The following DMD variants were observed in gnomAD, a reference collection of about 807,000 sequenced individuals.
DMD encodes dystrophin, also known as mutant dystrophin.
DMD carries 63 observed loss-of-function variants against 330.1 expected under a neutral mutation model. The observed-to-expected ratio is 0.19, with a 90% CI of 0.16 to 0.24. DMD has a LOEUF of 0.24. Among genes scored for constraint, DMD ranks in the 10% least tolerant of loss-of-function variants. The probability of loss-of-function intolerance (pLI) is 1.00; values close to 1 mark genes in which losing one functional copy is unlikely to be tolerated. For missense variants in DMD, 3,344 were observed against 2,684.1 expected (o/e 1.25, Z -5.43); for synonymous variants, 1,223 against 959.8 (o/e 1.27, Z -5.07).
At chrX:32,317,405 G>C (rs2097586364) in intron 41 of DMD, among the ~76,000 whole-genome samples, 1 of 111,374 alleles carries the variant, frequency 9.0e-6, no homozygotes, top group Non-Finnish European at 1.9e-5. Context: ...AAGATTCTGA[G>C]CTGTGTAAAT....
chrX:31,632,311 G>A (rs1456240303), intron 54 of DMD, among the ~76,000 whole-genome samples: 1 of 111,906 alleles, frequency 8.9e-6, no homozygotes, highest in Admixed American at 9.5e-5. Context: ...TAGATATATG[G>A]ATGAAAAATA....
intron 7 of DMD, among the ~76,000 whole-genome samples, chrX:32,765,923 A>G (rs2072928304): frequency 8.9e-6 from 1 of 111,915 alleles, no homozygotes; most frequent in Non-Finnish European, 1.9e-5. Flanking sequence ...TTTTAAATGT[A>G]TATATTCAGT....
Position 32,380,697 on chromosome X carries a change from T to C in DMD, c.4675-17A>G. 3 of 1,190,744 alleles carry C rather than the reference T, an allele frequency of 2.5e-6. No homozygotes were observed. In the East Asian group the frequency reaches 8.9e-5, roughly 35 times the overall value. ...TTCTGTTACCTGAAAAGAATTATAATGAAATGTAATTTAGTTTACTCTTTA... is the reference window on the plus strand; with the variant it reads ...TTCTGTTACCTGAAAAGAATTATAACGAAATGTAATTTAGTTTACTCTTTA... On this transcript the variant is annotated splice_polypyrimidine_tract_variant and intron_variant, in intron 33 of 78. Transcript: ENST00000357033.
At chrX:31,671,102 C>T (rs749126038) in intron 53 of DMD, among the ~76,000 whole-genome samples, 2 of 111,158 alleles carry the variant, frequency 1.8e-5, no homozygotes, top group East Asian at 2.8e-4. Flanking sequence ...TTAGCAGAGA[C>T]GGGGTTTTAC....
intron 2 of DMD, among the ~76,000 whole-genome samples, chrX:32,921,939 A>G (rs928755628): frequency 9.0e-6 from 1 of 111,395 alleles, no homozygotes; most frequent in Non-Finnish European, 1.9e-5. Flanking sequence ...CTATGTATGT[A>G]TGGTACATGT....
chrX:33,013,291 A>G (rs913604288), intron 2 of DMD, among the ~76,000 whole-genome samples: 23 of 111,550 alleles, frequency 2.1e-4, no homozygotes, highest in African/African-American at 7.1e-4. Flanking sequence ...TATAATTTTC[A>G]GTAGGATTAT....
intron 1 of DMD, among the ~76,000 whole-genome samples, chrX:33,120,538 T>C (rs2095416735): frequency 1.8e-5 from 2 of 111,244 alleles, no homozygotes; most frequent in Admixed American, 1.9e-4. Context: ...GCAACAACTT[T>C]TACATCTTCT....
chrX:31,909,163 C>T (rs1443643233), intron 47 of DMD, among the ~76,000 whole-genome samples: 2 of 112,126 alleles, frequency 1.8e-5, no homozygotes, highest in African/African-American at 6.5e-5. Context: ...GTCTACCTGT[C>T]TGTTTATCAG....
At chrX:32,356,136 A>T (rs1371861748) in intron 37 of DMD, among the ~76,000 whole-genome samples, 4 of 110,343 alleles carry the variant, frequency 3.6e-5, no homozygotes, top group African/African-American at 1.3e-4. Context: ...TCACATTTAT[A>T]AAATGCATCA....
At position 32,645,028 on chromosome X, in the gene DMD, A is replaced by G. The variant is rs759898408; in HGVS notation, c.1085T>C (p.Leu362Ser). The G allele has an allele frequency of 1.7e-6, 2 of 1,211,673 alleles. No homozygotes were observed. The highest frequency in any genetic ancestry group is 2.3e-4 in the Middle Eastern group (1 of 4,356). The change falls in exon 10 of 79, where the codon TTG becomes TCG. Residue 362 changes from leucine to serine, a missense_variant. Transcript: ENST00000357033. Reference protein sequence around the residue: ...LSWLLSAEDTLQAQGEISNDV... With the variant: ...LSWLLSAEDTSQAQGEISNDV... ...ATTAGAAATCTCTCCTTGTGCTTGC[A>G]ATGTGTCCTCAGCAGAAAGAAGCCA...
chrX:33,181,233 C>G (rs2049986586), intron 1 of DMD, among the ~76,000 whole-genome samples: 1 of 111,201 alleles, frequency 9.0e-6, no homozygotes, highest in African/African-American at 3.3e-5. Flanking sequence ...TTGTCTAGAT[C>G]TAAAATCATT....
At chrX:31,387,614 G>A (rs772171278) in intron 60 of DMD, among the ~76,000 whole-genome samples, 2 of 111,618 alleles carry the variant, frequency 1.8e-5, no homozygotes, top group South Asian at 3.8e-4. Flanking sequence ...TGGCCAGGCT[G>A]GTCTTGAACT....
intron 28 of DMD, among the ~76,000 whole-genome samples, chrX:32,440,250 T>C (rs915112392): frequency 8.9e-6 from 1 of 111,883 alleles, no homozygotes; most frequent in Admixed American, 9.5e-5. Flanking sequence ...ACGACAAATT[T>C]ATAGTCATAG....
chrX:32,806,260 C>CA (rs1411755851), intron 7 of DMD, among the ~76,000 whole-genome samples: 48 of 106,447 alleles, frequency 4.5e-4, no homozygotes, highest in African/African-American at 1.2e-3. Flanking sequence ...AAATGGAAAG[C>CA]AAAAAAAATA....
At chrX:32,644,851 T>A in intron 10 of DMD, 113 bp downstream of exon 10, 1 of 917,508 alleles carries the variant, frequency 1.1e-6, no homozygotes, top group Non-Finnish European at 1.6e-6. Flanking sequence ...AAGCACATCA[T>A]AGTAACTAAA....
chrX:32,826,816 G>A (rs2078727701), intron 4 of DMD, among the ~76,000 whole-genome samples: 1 of 110,481 alleles, frequency 9.1e-6, no homozygotes, highest in Admixed American at 9.7e-5. Flanking sequence ...ATTGTATTTT[G>A]AAAATTGCTA....
Position 31,372,595 on chromosome X carries a change from AC to A in DMD, c.9085-23962del, listed in dbSNP as rs768364862. Reference sequence around the variant, plus strand: ...TTGTGTGACCTTAAAAAATGTATTTACAAAAGGCCTTTGACAAAATTCAACA... The same window carrying A: ...TTGTGTGACCTTAAAAAATGTATTTAAAAAGGCCTTTGACAAAATTCAACA... On this transcript the variant is annotated intron_variant, in intron 60 of 78. Transcript: ENST00000357033. Among the ~76,000 whole-genome samples, 347 of 112,103 alleles carry A rather than the reference AC, an allele frequency of 3.1e-3. 1 individual carries two copies. The highest frequency in any genetic ancestry group is 0.011 in the African/African-American group (327 of 30,874).
chrX:31,543,182 A>AT (rs945736579), intron 55 of DMD, among the ~76,000 whole-genome samples: 2 of 103,639 alleles, frequency 1.9e-5, no homozygotes, highest in Non-Finnish European at 4.0e-5. Context: ...ATTTTATTTT[A>AT]TTTTTTTTAG....
At position 31,729,734 on chromosome X, in the gene DMD, A is replaced by G; in HGVS notation, c.7557T>C (p.Asp2519=). 1 of 1,209,963 alleles carries G rather than the reference A, an allele frequency of 8.3e-7. No individual in the cohort carries two copies. The highest frequency in any genetic ancestry group is 1.7e-5 in the African/African-American group (1 of 57,745). The change falls in exon 52 of 79, where the codon GAT becomes GAC. Residue 2519 remains aspartate (D), a synonymous_variant. Coordinates refer to ENST00000357033, the MANE Select transcript of DMD (RefSeq NM_004006.3). ...CCAACTGGGGACGCCTCTGTTCCAA[A>G]TCCTGCATTGTTGCCTGTAAGAACA... ...MIIKQKATMQ[D]LEQRRPQLEE... is the part of the protein sequence containing the mutation.
Sources: gnomAD v4.1 joint callset for allele counts (sites outside exome capture counted in the v4.1 genomes callset) on GRCh38, gnomAD v4.1.1 for gene constraint, MANE v1.5 for transcripts, NCBI Gene and HGNC (gene_info 2026-07-23, HGNC 2026-07-21) for gene names.